Variants in KLHL1 observed in about 807,000 individuals in gnomAD.
KLHL1 encodes kelch like family member 1, also known as kelch-like protein 1.
In KLHL1, 47 loss-of-function variants were observed where a neutral mutation model predicts 77.7. That is an observed-to-expected ratio of 0.60 (90% CI 0.48 to 0.77). The LOEUF is 0.77. KLHL1 is among the 30% of genes least tolerant of loss of function. The probability of loss-of-function intolerance (pLI) is 0.00; values close to 1 mark genes in which losing one functional copy is unlikely to be tolerated. For missense variants in KLHL1, 925 were observed against 910.8 expected (o/e 1.02, Z -0.20); for synonymous variants, 360 against 325.2 (o/e 1.11, Z -1.15).
At chr13:69,846,565 T>C (rs1205868357) in intron 5 of KLHL1, among the ~76,000 whole-genome samples, 1 of 151,588 alleles carries the variant, frequency 6.6e-6, no homozygotes, top group East Asian at 1.9e-4. Context: ...TTTCACATAC[T>C]CTTCTAAAGT....
intron 5 of KLHL1, among the ~76,000 whole-genome samples, chr13:69,881,238 T>C (rs1880977017): frequency 6.6e-6 from 1 of 152,194 alleles, no homozygotes; most frequent in Non-Finnish European, 1.5e-5. Context: ...TTTTTTTCAA[T>C]TACGGTAATG....
At chr13:69,963,898 C>A (rs1485779888) in intron 2 of KLHL1, among the ~76,000 whole-genome samples, 1 of 151,844 alleles carries the variant, frequency 6.6e-6, no homozygotes, top group East Asian at 1.9e-4. Flanking sequence ...ACACAGCTTT[C>A]ATTTATCTGA....
intron 8 of KLHL1, among the ~76,000 whole-genome samples, chr13:69,736,417 AG>A (rs1414075434): frequency 6.6e-6 from 1 of 152,164 alleles, no homozygotes; most frequent in African/African-American, 2.4e-5. Flanking sequence ...TGTGGTGAAA[AG>A]GGAACACCTT....
chr13:69,986,839 C>T (rs933993163), intron 1 of KLHL1, among the ~76,000 whole-genome samples: 13 of 151,842 alleles, frequency 8.6e-5, no homozygotes, highest in African/African-American at 3.1e-4. Context: ...ACCTAAACTT[C>T]TGACATACTT....
At chr13:69,987,921 G>C (rs911138283) in intron 1 of KLHL1, among the ~76,000 whole-genome samples, 4 of 151,878 alleles carry the variant, frequency 2.6e-5, no homozygotes, top group African/African-American at 9.7e-5. Flanking sequence ...ACAAACAAGT[G>C]CAAAGACTGT....
chr13:69,932,158 G>A (rs559656483), intron 4 of KLHL1, among the ~76,000 whole-genome samples: 1 of 151,866 alleles, frequency 6.6e-6, no homozygotes, highest in East Asian at 1.9e-4. Context: ...GAATATGGCT[G>A]TGAACTGGAC....
At chr13:69,863,534 A>G (rs938890623) in intron 5 of KLHL1, among the ~76,000 whole-genome samples, 25 of 151,958 alleles carry the variant, frequency 1.6e-4, no homozygotes, top group African/African-American at 6.0e-4. Flanking sequence ...GATTGGTAAA[A>G]CCTGGACTTC....
intron 4 of KLHL1, among the ~76,000 whole-genome samples, chr13:69,925,238 T>C (rs1488154327): frequency 6.6e-6 from 1 of 152,178 alleles, no homozygotes; most frequent in African/African-American, 2.4e-5. Context: ...GAATTCTAGC[T>C]CCAACACTCA....
intron 1 of KLHL1, among the ~76,000 whole-genome samples, chr13:70,042,766 G>C (rs1321500959): frequency 1.3e-5 from 2 of 152,128 alleles, no homozygotes; most frequent in African/African-American, 4.8e-5. Flanking sequence ...GCCTCAGGCA[G>C]GTCCTTTAGG....
chr13:69,815,060 T>C (rs899146566), intron 6 of KLHL1, among the ~76,000 whole-genome samples: 11 of 151,762 alleles, frequency 7.2e-5, no homozygotes, highest in Admixed American at 2.0e-4. Flanking sequence ...AAATAACATA[T>C]TGACAAGATT....
intron 7 of KLHL1, among the ~76,000 whole-genome samples, chr13:69,748,449 C>T (rs985691934): frequency 2.6e-5 from 4 of 151,934 alleles, no homozygotes; most frequent in South Asian, 2.1e-4. Context: ...CATCAGATGT[C>T]GTGAGACTTA....
chr13:69,911,021 A>G (rs954404511), intron 4 of KLHL1, among the ~76,000 whole-genome samples: 1 of 152,124 alleles, frequency 6.6e-6, no homozygotes, highest in African/African-American at 2.4e-5. Context: ...AGAGTAAAAT[A>G]CTTCAAAGAT....
intron 4 of KLHL1, among the ~76,000 whole-genome samples, chr13:69,901,257 C>T (rs1881846115): frequency 6.6e-6 from 1 of 152,138 alleles, no homozygotes; most frequent in African/African-American, 2.4e-5. Flanking sequence ...ACCCACATCA[C>T]AAGAAAATGT....
chr13:69,967,756 G>A (rs868868296), intron 2 of KLHL1, among the ~76,000 whole-genome samples: 5 of 151,918 alleles, frequency 3.3e-5, no homozygotes, highest in African/African-American at 7.2e-5. Context: ...GTGGTGGCGC[G>A]TGCCTGTAAT....
At chr13:69,828,983 T>C (rs79025248) in intron 6 of KLHL1, among the ~76,000 whole-genome samples, 2,431 of 150,392 alleles carry the variant, frequency 0.016, 255 homozygotes, top group African/African-American at 0.056. Context: ...GTAGTCAAAA[T>C]GAAAGACGTA....
At chr13:69,756,007 AT>A (rs1016741760) in intron 7 of KLHL1, among the ~76,000 whole-genome samples, 2 of 152,014 alleles carry the variant, frequency 1.3e-5, no homozygotes, top group African/African-American at 4.8e-5. Flanking sequence ...TTTCCTTGCC[AT>A]TGGGCCGTTA....
rs116690190 is a variant in KLHL1, at chr13:69,822,266, T to G, written c.1414+16710A>C. Among the ~76,000 whole-genome samples, 871 of 151,746 alleles carry G rather than the reference T, an allele frequency of 5.7e-3. 15 individuals carry two copies. Among genetic ancestry groups the G allele is most frequent in the African/African-American group, 0.02 (815 of 41,380 alleles). On this transcript the variant is annotated intron_variant, in intron 6 of 10. Coordinates refer to ENST00000377844, the MANE Select transcript of KLHL1 (RefSeq NM_020866.3). The stretch of plus-strand genomic sequence containing the variant: ...CACTCAATGAATATTGGCAGCAGAT[T>G]TAGATAATCCCAAAAGAATGAATTT...
At chr13:70,071,134 T>A (rs1010298556) in intron 1 of KLHL1, among the ~76,000 whole-genome samples, 1 of 151,564 alleles carries the variant, frequency 6.6e-6, no homozygotes, top group African/African-American at 2.4e-5. Context: ...CTTGAAAAAA[T>A]TAATAAATAA....
chr13:70,045,019 G>A lies in KLHL1; in HGVS notation c.497+62184C>T, dbSNP rs150833565. Among the ~76,000 whole-genome samples, 555 of 152,090 alleles carry A rather than the reference G, an allele frequency of 3.6e-3. 3 individuals carry two copies. The highest frequency in any genetic ancestry group is 0.012 in the African/African-American group (517 of 41,482). On this transcript the variant is annotated intron_variant, in intron 1 of 10. Coordinates refer to ENST00000377844, the MANE Select transcript of KLHL1 (RefSeq NM_020866.3). ...GGAAACAGCAACACCTAACTCTCACGGGTGCTATGTATAATATTCATATAG... is the reference window on the plus strand; with the variant it reads ...GGAAACAGCAACACCTAACTCTCACAGGTGCTATGTATAATATTCATATAG...
Sources: allele counts gnomAD v4.1 joint callset (sites outside exome capture counted in the v4.1 genomes callset), GRCh38; gene constraint gnomAD v4.1.1; transcripts MANE v1.5; gene names NCBI Gene and HGNC (gene_info 2026-07-23, HGNC 2026-07-21).